The following NTRK2 variants were observed in gnomAD, a reference collection of about 807,000 sequenced individuals.
The protein encoded by NTRK2 is BDNF/NT-3 growth factors receptor.
NTRK2 carries 13 observed loss-of-function variants against 94.5 expected under a neutral mutation model. That is an observed-to-expected ratio of 0.14 (90% CI 0.09 to 0.22). The LOEUF (loss-of-function observed/expected upper bound fraction) is 0.22, where lower values mean the gene tolerates loss of function less well. NTRK2 is among the 10% of genes least tolerant of loss of function. The probability of loss-of-function intolerance (pLI) is 1.00; values close to 1 mark genes in which losing one functional copy is unlikely to be tolerated. For missense variants in NTRK2, 639 were observed against 1,071.2 expected, an observed-to-expected ratio of 0.60 and a Z score of 5.63; for synonymous variants, 372 against 407.4, an observed-to-expected ratio of 0.91 and a Z score of 1.05.
At chr9:84,875,881 T>C in intron 14 of NTRK2, 4 of 1,039,586 alleles carry the variant, frequency 3.8e-6, no homozygotes, top group Non-Finnish European at 4.6e-6. Context: ...TTTTGCACAG[T>C]AATATTAAGT....
intron 14 of NTRK2, among the ~76,000 whole-genome samples, chr9:84,923,986 G>T (rs910088837): frequency 1.3e-5 from 2 of 151,878 alleles, no homozygotes; most frequent in African/African-American, 4.8e-5. Flanking sequence ...AGGAAGAAAA[G>T]TTTTTGTGGG....
chr9:84,870,363 A>G (rs2075814364), intron 14 of NTRK2, among the ~76,000 whole-genome samples: 1 of 133,492 alleles, frequency 7.5e-6, no homozygotes, highest in South Asian at 2.4e-4. Context: ...ATATATATAT[A>G]TAAAACTCTG....
chr9:84,731,927 C>A (rs2062920862), intron 9 of NTRK2, among the ~76,000 whole-genome samples: 5 of 152,114 alleles, frequency 3.3e-5, no homozygotes, highest in Admixed American at 3.3e-4. Context: ...CAGCAGGACC[C>A]CAGACACCAA....
At chr9:84,882,148 C>T (rs1018149771) in intron 14 of NTRK2, among the ~76,000 whole-genome samples, 5 of 152,006 alleles carry the variant, frequency 3.3e-5, no homozygotes, top group Admixed American at 6.6e-5. Context: ...AATTCGTGCC[C>T]GTCTCTCTGT....
chr9:84,767,176 C>T (rs1161318405), intron 12 of NTRK2, among the ~76,000 whole-genome samples: 2 of 152,150 alleles, frequency 1.3e-5, no homozygotes, highest in Admixed American at 6.5e-5. Context: ...AATTGCAAGG[C>T]TAATATAATT....
At position 84,861,236 on chromosome 9, in the gene NTRK2, A is replaced by G. The variant is rs540669593; in HGVS notation, c.1444+149A>G. On this transcript the variant is annotated intron_variant, in intron 13 of 18. Transcript: ENST00000277120. Reference sequence around the variant, plus strand: ...GATTTGTTGAAGAAGTAGGTCTAGAATTTTTCCAGAAAAGGCATTACTGTT... The same window carrying G: ...GATTTGTTGAAGAAGTAGGTCTAGAGTTTTTCCAGAAAAGGCATTACTGTT... 1.1e-5 allele frequency: 7 copies of G among 664,274 alleles called. No homozygotes were observed. In the East Asian group the frequency reaches 1.7e-4, roughly 16 times the overall value. 41.1% of individuals were successfully genotyped at this position (664,274 alleles called of 1,614,324 possible). A position where few individuals can be genotyped will look rare whatever the true frequency, so the allele number is the denominator to read the frequency against.
chr9:84,910,824 G>A (rs2077216778), intron 14 of NTRK2, among the ~76,000 whole-genome samples: 1 of 152,132 alleles, frequency 6.6e-6, no homozygotes, highest in South Asian at 2.1e-4. Flanking sequence ...TTAAAATCAG[G>A]TAGAATGAGT....
intron 12 of NTRK2, among the ~76,000 whole-genome samples, chr9:84,818,916 G>A (rs762732036): frequency 5.9e-5 from 9 of 152,158 alleles, no homozygotes; most frequent in Non-Finnish European, 8.8e-5. Context: ...GAGCAGCGTC[G>A]GAGCTGCTTG....
intron 17 of NTRK2, among the ~76,000 whole-genome samples, chr9:85,010,180 C>A (rs916588565): frequency 6.6e-6 from 1 of 152,124 alleles, no homozygotes; most frequent in South Asian, 2.1e-4. Context: ...CTGCATTTGT[C>A]CCTTTCTAAA....
At chr9:84,838,368 G>A (rs1174347481) in intron 12 of NTRK2, among the ~76,000 whole-genome samples, 6 of 152,134 alleles carry the variant, frequency 3.9e-5, no homozygotes, top group African/African-American at 1.4e-4. Flanking sequence ...AATTCATTGA[G>A]TGATGGTAAA....
At chr9:84,960,488 A>AT (rs1824778084) in intron 17 of NTRK2, among the ~76,000 whole-genome samples, 1 of 152,206 alleles carries the variant, frequency 6.6e-6, no homozygotes, top group Non-Finnish European at 1.5e-5. Flanking sequence ...TTTAAGAAAT[A>AT]TTTTTATGTA....
intron 9 of NTRK2, among the ~76,000 whole-genome samples, chr9:84,731,917 C>T (rs2062919298): frequency 6.6e-6 from 1 of 152,162 alleles, no homozygotes; most frequent in Admixed American, 6.5e-5. Context: ...CTTCAGATGT[C>T]AGCAGGACCC....
rs11140757 is a variant in NTRK2, at chr9:84,786,653, A to G, written c.1396+34568A>G. On this transcript the variant is annotated intron_variant, in intron 12 of 18. Transcript: ENST00000277120. Reference sequence around the variant, plus strand: ...CCTACGAAAAGAAAAGTATTATCTTAAAACTTAAATAGGTTCAGTGGGAAA... The same window carrying G: ...CCTACGAAAAGAAAAGTATTATCTTGAAACTTAAATAGGTTCAGTGGGAAA... 9.4e-4 allele frequency among the ~76,000 whole-genome samples: 143 copies of G among 152,324 alleles called. 2 individuals are homozygous for G. In the East Asian group the frequency reaches 0.026, roughly 28 times the overall value.
chr9:85,008,561 A>G (rs889223939), intron 17 of NTRK2, among the ~76,000 whole-genome samples: 5 of 152,198 alleles, frequency 3.3e-5, no homozygotes, highest in African/African-American at 1.2e-4. Context: ...ACTTTATGTC[A>G]ACTATCTCAC....
At chr9:84,888,081 A>G (rs1156728102) in intron 14 of NTRK2, among the ~76,000 whole-genome samples, 1 of 152,184 alleles carries the variant, frequency 6.6e-6, no homozygotes, top group East Asian at 1.9e-4. Context: ...TTTTTTTTCC[A>G]CATAGTTAAT....
At position 84,706,525 on chromosome 9, in the gene NTRK2, TTG is replaced by T. The variant is rs1310159900; in HGVS notation, c.360-1317_360-1316del. 9.3e-3 allele frequency among the ~76,000 whole-genome samples: 1,042 copies of T among 112,026 alleles called. 36 individuals are homozygous for T. Among genetic ancestry groups the T allele is most frequent in the East Asian group, 0.053 (201 of 3,816 alleles). 73.5% of individuals were successfully genotyped at this position (112,026 alleles called of 152,430 possible). A position where few individuals can be genotyped will look rare whatever the true frequency, so the allele number is the denominator to read the frequency against. On this transcript the variant is annotated intron_variant, in intron 4 of 18. Transcript: ENST00000277120. ...ATCTCATGTGTGTTATTTTTTGTTT[TTG>T]TTTTTTTTTTTTTTTTTTTTGAGAC...
chr9:84,809,619 C>T (rs536423905), intron 12 of NTRK2, among the ~76,000 whole-genome samples: 18 of 151,428 alleles, frequency 1.2e-4, no homozygotes, highest in African/African-American at 2.2e-4. Flanking sequence ...TGGTGGCTCA[C>T]GCCTGTAATC....
chr9:84,733,407 G>A (rs1328278855), intron 9 of NTRK2, among the ~76,000 whole-genome samples: 2 of 152,152 alleles, frequency 1.3e-5, no homozygotes, highest in Non-Finnish European at 2.9e-5. Context: ...ATCCTATTAT[G>A]CTAGAATCTA....
intron 14 of NTRK2, among the ~76,000 whole-genome samples, chr9:84,891,470 A>G (rs1232834047): frequency 6.6e-6 from 1 of 152,142 alleles, no homozygotes; most frequent in Non-Finnish European, 1.5e-5. Context: ...ATAAAAATAT[A>G]TTCTCCCAAA....
Sources: gnomAD v4.1 joint callset for allele counts (sites outside exome capture counted in the v4.1 genomes callset) on GRCh38, gnomAD v4.1.1 for gene constraint, MANE v1.5 for transcripts, NCBI Gene and HGNC (gene_info 2026-07-23, HGNC 2026-07-21) for gene names.